SHANK2: variants seen among roughly 807,000 people sequenced by gnomAD.
SHANK2 encodes the protein SH3 and multiple ankyrin repeat domains protein 2.
Under a neutral mutation model 133.7 loss-of-function variants are expected in SHANK2, and 43 were observed. The observed-to-expected ratio is 0.32, with a 90% CI of 0.25 to 0.41. SHANK2 has a LOEUF of 0.41. Among genes scored for constraint, SHANK2 ranks in the 10% least tolerant of loss-of-function variants. The probability of loss-of-function intolerance (pLI) is 1.00; values close to 1 mark genes in which losing one functional copy is unlikely to be tolerated. For missense variants in SHANK2, 1,994 were observed against 2,235.8 expected (o/e 0.89, Z 2.18); for synonymous variants, 1,017 against 952.8 (o/e 1.07, Z -1.24).
intron 11 of SHANK2, among the ~76,000 whole-genome samples, chr11:70,831,493 C>T (rs1281976200): frequency 2.0e-5 from 3 of 152,154 alleles, no homozygotes; most frequent in Non-Finnish European, 4.4e-5. Context: ...TCCAAAGCCC[C>T]GTGCCCCCTT....
At chr11:70,734,332 G>A (rs1275483339) in intron 14 of SHANK2, among the ~76,000 whole-genome samples, 4 of 152,212 alleles carry the variant, frequency 2.6e-5, no homozygotes, top group Admixed American at 2.6e-4. Context: ...AAAACCCGAG[G>A]GAGGTCGAGT....
chr11:70,799,328 G>A (rs1555049981), intron 13 of SHANK2, among the ~76,000 whole-genome samples: 1 of 152,114 alleles, frequency 6.6e-6, no homozygotes, highest in Non-Finnish European at 1.5e-5. Flanking sequence ...CTTGAACCCG[G>A]AAGATGGAAG....
chr11:71,058,938 G>C (rs1343238086), intron 9 of SHANK2, among the ~76,000 whole-genome samples: 1 of 152,240 alleles, frequency 6.6e-6, no homozygotes, highest in Non-Finnish European at 1.5e-5. Context: ...TGATTGGTTG[G>C]GCGCGGTGGC....
At chr11:70,769,325 C>A (rs545937618) in intron 14 of SHANK2, among the ~76,000 whole-genome samples, 1 of 152,168 alleles carries the variant, frequency 6.6e-6, no homozygotes, top group East Asian at 1.9e-4. Context: ...GCAGACATGT[C>A]CTCGTTTGGA....
intron 17 of SHANK2, among the ~76,000 whole-genome samples, chr11:70,588,172 A>T (rs2136255097): frequency 6.6e-6 from 1 of 152,296 alleles, no homozygotes; most frequent in South Asian, 2.1e-4. Context: ...CTGAGACACA[A>T]CAATATAGAA....
At chr11:70,848,549 A>G (rs1240367756) in intron 11 of SHANK2, among the ~76,000 whole-genome samples, 1 of 152,212 alleles carries the variant, frequency 6.6e-6, no homozygotes, top group Admixed American at 6.5e-5. Flanking sequence ...CCTAAAGTGC[A>G]CTGCAGGCCT....
chr11:70,831,677 C>G (rs1948727830), intron 11 of SHANK2, among the ~76,000 whole-genome samples: 2 of 152,284 alleles, frequency 1.3e-5, no homozygotes, highest in Non-Finnish European at 2.9e-5. Flanking sequence ...AAGCTCTTCA[C>G]ACATCAGAAC....
At chr11:70,562,025 A>G (rs1247535190) in intron 17 of SHANK2, among the ~76,000 whole-genome samples, 1 of 152,134 alleles carries the variant, frequency 6.6e-6, no homozygotes, top group Admixed American at 6.6e-5. Context: ...AATATTTTCT[A>G]ATTTCCCATT....
chr11:70,704,842 C>T (rs112732593), intron 14 of SHANK2, among the ~76,000 whole-genome samples: 2 of 152,274 alleles, frequency 1.3e-5, no homozygotes, highest in African/African-American at 4.8e-5. Flanking sequence ...TCCACCAGGG[C>T]GCATGTGGTC....
At chr11:70,946,740 C>G (rs1407147310) in intron 10 of SHANK2, among the ~76,000 whole-genome samples, 1 of 144,882 alleles carries the variant, frequency 6.9e-6, no homozygotes, top group African/African-American at 2.6e-5. Flanking sequence ...TCCCTAGGCT[C>G]AACCTCCCTC....
At chr11:70,574,181 C>T (rs1200209767) in intron 17 of SHANK2, among the ~76,000 whole-genome samples, 1 of 152,260 alleles carries the variant, frequency 6.6e-6, no homozygotes, top group Non-Finnish European at 1.5e-5. Flanking sequence ...TTAGACCCTG[C>T]CTCAGTTTAC....
At chr11:71,092,277 C>G in intron 8 of SHANK2, 145 bp downstream of exon 8, 1 of 759,194 alleles carries the variant, frequency 1.3e-6, no homozygotes, top group African/African-American at 1.7e-5. Flanking sequence ...TTTTAATTCA[C>G]ATATTTTCAG....
rs150637798 is a variant in SHANK2, at chr11:70,614,312, G to GTTTT, written c.2061+45512_2061+45515dup. 2.0e-4 allele frequency among the ~76,000 whole-genome samples: 29 copies of GTTTT among 146,996 alleles called. 3 individuals carry two copies. The highest frequency in any genetic ancestry group is 1.5e-4 in the Non-Finnish European group (10 of 66,532). Reference sequence around the variant, plus strand: ...CTGTTTTAAGCCAGACAGTCTGTGGGTTTTGTTTTTTTTTTTGAGACAGAG... The same window carrying GTTTT: ...CTGTTTTAAGCCAGACAGTCTGTGGGTTTTTTTTGTTTTTTTTTTTGAGACAGAG... On this transcript the variant is annotated intron_variant, in intron 17 of 25. Transcript: ENST00000601538.
intron 2 of SHANK2, among the ~76,000 whole-genome samples, chr11:71,220,183 C>A (rs1420174941): frequency 6.6e-6 from 1 of 152,058 alleles, no homozygotes; most frequent in African/African-American, 2.4e-5. Context: ...CTGCAGTAAG[C>A]CTTACTGTGC....
At chr11:70,721,557 G>T (rs1231025214) in intron 14 of SHANK2, among the ~76,000 whole-genome samples, 1 of 152,206 alleles carries the variant, frequency 6.6e-6, no homozygotes, top group African/African-American at 2.4e-5. Flanking sequence ...GTGGGGCTGG[G>T]CTCAGGGCAC....
intron 17 of SHANK2, among the ~76,000 whole-genome samples, chr11:70,519,510 G>A (rs1387843296): frequency 1.3e-5 from 2 of 152,094 alleles, no homozygotes; most frequent in African/African-American, 4.8e-5. Flanking sequence ...AGCTCGACGT[G>A]GTAGTGCATG....
chr11:70,837,998 A>G (rs1418311884), intron 11 of SHANK2, among the ~76,000 whole-genome samples: 3 of 150,856 alleles, frequency 2.0e-5, no homozygotes, highest in Non-Finnish European at 3.0e-5. Context: ...AAAAAAAAAA[A>G]AAAGAAAAAA....
rs868978559 is a variant in SHANK2, at chr11:70,789,535, A to G, written c.1777+8908T>C. Reference sequence around the variant, plus strand: ...AGGGAGTCAGCCAGAAGATTCCGGAAGCCCATTCTGCAGAGAATCCCATCA... The same window carrying G: ...AGGGAGTCAGCCAGAAGATTCCGGAGGCCCATTCTGCAGAGAATCCCATCA... On this transcript the variant is annotated intron_variant, in intron 14 of 25. Coordinates refer to ENST00000601538, the MANE Select transcript of SHANK2 (RefSeq NM_012309.5). Among the ~76,000 whole-genome samples, 44 of 152,258 alleles carry G rather than the reference A, an allele frequency of 2.9e-4. No individual in the cohort carries two copies. The Middle Eastern group carries it at 0.017, about 59-fold the overall frequency.
At chr11:70,490,070 T>G (rs556033404) in intron 23 of SHANK2, 1 of 432,692 alleles carries the variant, frequency 2.3e-6, no homozygotes, top group Non-Finnish European at 4.3e-6. Context: ...TCAGGGGGGA[T>G]GAGTTTCATG....
Sources: gnomAD v4.1 joint callset for allele counts (sites outside exome capture counted in the v4.1 genomes callset) on GRCh38, gnomAD v4.1.1 for gene constraint, MANE v1.5 for transcripts, NCBI Gene and HGNC (gene_info 2026-07-23, HGNC 2026-07-21) for gene names.